Variants in RAB38 observed in about 807,000 individuals in gnomAD.
RAB38 encodes the protein ras-related protein Rab-38.
In RAB38, 15 loss-of-function variants were observed where a neutral mutation model predicts 18.4. The ratio of observed to expected loss-of-function variants is 0.82; its 90% CI spans 0.55 to 1.26. The LOEUF (loss-of-function observed/expected upper bound fraction) is 1.26. RAB38 is among the 50% of genes most tolerant of loss of function. The pLI is 0.00. For missense variants in RAB38, 294 were observed against 267.4 expected (o/e 1.10, Z -0.69); for synonymous variants, 101 against 104.4 (o/e 0.97, Z 0.20).
At chr11:88,006,641 A>ATTATATATATG in the RAB38 span, among the ~76,000 whole-genome samples, 1 of 147,974 alleles carries the variant, frequency 6.8e-6, no homozygotes, top group African/African-American at 2.5e-5. Flanking sequence ...ATATATACAC[A>ATTATATATATG]TATAGACACA....
the RAB38 span, among the ~76,000 whole-genome samples, chr11:87,976,578 T>C: frequency 2.0e-5 from 2 of 100,198 alleles, no homozygotes; most frequent in South Asian, 3.1e-4. Context: ...ACAATAAATA[T>C]ATATATTTTA....
chr11:87,964,894 A>G, the RAB38 span, among the ~76,000 whole-genome samples: 2 of 152,188 alleles, frequency 1.3e-5, no homozygotes, highest in African/African-American at 2.4e-5. Context: ...AATGTTATCT[A>G]TATATTAACA....
the RAB38 span, among the ~76,000 whole-genome samples, chr11:87,914,261 C>T: frequency 1.3e-5 from 2 of 151,968 alleles, no homozygotes; most frequent in Admixed American, 1.3e-4. Context: ...GAAACATAGA[C>T]AGTAAAGGCC....
At chr11:87,956,243 G>A in the RAB38 span, among the ~76,000 whole-genome samples, 1 of 152,146 alleles carries the variant, frequency 6.6e-6, no homozygotes, top group African/African-American at 2.4e-5. Flanking sequence ...ATGAGAACAT[G>A]TTGCACAAGT....
chr11:88,059,841 A>T, the RAB38 span, among the ~76,000 whole-genome samples: 2 of 151,424 alleles, frequency 1.3e-5, no homozygotes. Context: ...GGCCCAGGCC[A>T]GGAGGAAGGC....
chr11:88,052,669 A>T, the RAB38 span, among the ~76,000 whole-genome samples: 1 of 151,830 alleles, frequency 6.6e-6, no homozygotes, highest in Admixed American at 6.6e-5. Flanking sequence ...TATCAATGCT[A>T]CATTAATGAC....
the RAB38 span, among the ~76,000 whole-genome samples, chr11:88,029,321 C>G: frequency 6.6e-6 from 1 of 151,500 alleles, no homozygotes; most frequent in East Asian, 1.9e-4. Context: ...ACTGCATCAA[C>G]TAACGAGCAA....
the RAB38 span, among the ~76,000 whole-genome samples, chr11:88,104,931 T>G: frequency 1.3e-5 from 2 of 152,146 alleles, no homozygotes; most frequent in Admixed American, 1.3e-4. Flanking sequence ...ATGCTGCTTC[T>G]GGGAGACTCC....
the RAB38 span, among the ~76,000 whole-genome samples, chr11:88,064,320 AC>A: frequency 6.6e-6 from 1 of 152,158 alleles, no homozygotes; most frequent in Non-Finnish European, 1.5e-5. Flanking sequence ...AACATTTCCA[AC>A]TCCTCTTCTA....
rs182261171 is a variant in RAB38 at position 88,127,094 on chromosome 11, T to C, written c.484-12954A>G. Among the ~76,000 whole-genome samples the C allele has an allele frequency of 3.1e-3, 465 of 152,312 alleles. 1 individual carries two copies. Among genetic ancestry groups the C allele is most frequent in the African/African-American group, 0.01 (430 of 41,564 alleles). On this transcript the variant is annotated intron_variant, in intron 2 of 2. Transcript: ENST00000243662. The stretch of plus-strand genomic sequence containing the variant: ...CATCTTATGGCTAAATGATTTTAGA[T>C]GTTAAATTAAAAATAATACAAAAGT...
At chr11:88,145,452 A>C (rs899750092) in intron 2 of RAB38, among the ~76,000 whole-genome samples, 7 of 152,118 alleles carry the variant, frequency 4.6e-5, no homozygotes, top group African/African-American at 1.7e-4. Flanking sequence ...CAGCCACATT[A>C]TCTCTTAATG....
chr11:88,030,501 A>G, the RAB38 span, among the ~76,000 whole-genome samples: 2 of 152,218 alleles, frequency 1.3e-5, no homozygotes, highest in Non-Finnish European at 2.9e-5. Flanking sequence ...TAAAGAAAAA[A>G]AGAGAGAAGA....
chr11:87,906,701 A>T, the RAB38 span, among the ~76,000 whole-genome samples: 1 of 151,950 alleles, frequency 6.6e-6, no homozygotes, highest in African/African-American at 2.4e-5. Context: ...GAGAGGTAAC[A>T]TGATCAATTT....
the RAB38 span, among the ~76,000 whole-genome samples, chr11:87,887,555 T>C: frequency 1.3e-5 from 2 of 151,986 alleles, no homozygotes; most frequent in African/African-American, 4.8e-5. Flanking sequence ...AATTATTTAA[T>C]GTCTTTAAGC....
chr11:87,845,015 TAGTC>T, the RAB38 span, among the ~76,000 whole-genome samples: 1 of 152,352 alleles, frequency 6.6e-6, no homozygotes, highest in East Asian at 1.9e-4. Flanking sequence ...ATATTTATAA[TAGTC>T]ATTATCAAGA....
At chr11:87,825,624 G>C in the RAB38 span, among the ~76,000 whole-genome samples, 1 of 152,096 alleles carries the variant, frequency 6.6e-6, no homozygotes, top group African/African-American at 2.4e-5. Context: ...GTCATATATT[G>C]AAGAATCTGG....
chr11:88,025,921 A>G, the RAB38 span, among the ~76,000 whole-genome samples: 2 of 151,494 alleles, frequency 1.3e-5, no homozygotes, highest in Non-Finnish European at 2.9e-5. Context: ...GATTTTGAGG[A>G]CTTACTCATA....
At chr11:87,957,737 T>C in the RAB38 span, among the ~76,000 whole-genome samples, 1 of 152,000 alleles carries the variant, frequency 6.6e-6, no homozygotes, top group Non-Finnish European at 1.5e-5. Flanking sequence ...AGTTCTAACT[T>C]CTATAATCTG....
chr11:87,820,808 T>C, the RAB38 span, among the ~76,000 whole-genome samples: 1 of 152,156 alleles, frequency 6.6e-6, no homozygotes, highest in Non-Finnish European at 1.5e-5. Flanking sequence ...AAAACATGTA[T>C]AGTGAATAAG....
Sources: allele counts gnomAD v4.1 joint callset (sites outside exome capture counted in the v4.1 genomes callset), GRCh38; gene constraint gnomAD v4.1.1; transcripts MANE v1.5; gene names NCBI Gene and HGNC (gene_info 2026-07-23, HGNC 2026-07-21).